LHPP: variants seen among roughly 807,000 people sequenced by gnomAD.
LHPP encodes the protein phospholysine phosphohistidine inorganic pyrophosphate phosphatase, also known as hLHPP.
In LHPP, 24 loss-of-function variants were observed where a neutral mutation model predicts 30.3. The observed-to-expected ratio is 0.79, with a 90% CI of 0.57 to 1.11. The LOEUF is 1.11. Among genes scored for constraint, LHPP ranks in the 50% most tolerant of loss-of-function variants. The probability of loss-of-function intolerance (pLI) is 0.00; values close to 1 mark genes in which losing one functional copy is unlikely to be tolerated. For missense variants in LHPP, 356 were observed against 367.2 expected (o/e 0.97, Z 0.25); for synonymous variants, 150 against 157.1 (o/e 0.95, Z 0.34).
At position 124,543,819 on chromosome 10, in the gene LHPP, G is replaced by A. The variant is rs182469084; in HGVS notation, c.716+26548G>A. On this transcript the variant is annotated intron_variant, in intron 6 of 6. Coordinates refer to ENST00000368842, the MANE Select transcript of LHPP (RefSeq NM_022126.4). ...AATATAAGAAATGCATGCCTTCTTT[G>A]GAAAATACAGAAAATCACAAAGAAA... is the stretch of plus-strand genomic sequence containing the variant. Among the ~76,000 whole-genome samples, 7 of 151,770 alleles carry A rather than the reference G, an allele frequency of 4.6e-5. No homozygotes were observed. The East Asian group carries it at 9.7e-4, about 21-fold the overall frequency.
At chr10:124,491,225 A>C (rs1403378726) in intron 3 of LHPP, among the ~76,000 whole-genome samples, 1 of 152,254 alleles carries the variant, frequency 6.6e-6, no homozygotes, top group African/African-American at 2.4e-5. Context: ...TGGAGTGTCT[A>C]CCTCAGCATC....
chr10:124,559,667 GATA>G (rs1220864357), intron 6 of LHPP, among the ~76,000 whole-genome samples: 2 of 152,286 alleles, frequency 1.3e-5, no homozygotes, highest in African/African-American at 4.8e-5. Context: ...TGTCACGTAG[GATA>G]ATGAGTGGAC....
chr10:124,496,976 G>T lies in LHPP; in HGVS notation c.483G>T (p.Glu161Asp), dbSNP rs777680049. ...TCTCTCCTAGGCGTTACTACAAGGA[G>T]ACCTCTGGCCTGATGCTGGACGTTG... ...ISLGKGRYYK[E>D]TSGLMLDVGP... Residue 161 changes from glutamate (E) to aspartate (D), a missense_variant, in exon 4 of 7, where the codon GAG becomes GAT. Physicochemically the swap from Glu to Asp is conservative, Grantham distance 45 (BLOSUM62 2). Coordinates refer to ENST00000368842, the MANE Select transcript of LHPP (RefSeq NM_022126.4). The surrounding 1 kb of genome is among the most constrained non-coding windows in gnomAD (Gnocchi z 4.3). The T allele has an allele frequency of 1.2e-6, 2 of 1,614,108 alleles. No homozygotes were observed. The highest frequency in any genetic ancestry group is 2.2e-5 in the South Asian group (2 of 91,066).
chr10:124,467,510 T>C (rs2133810717), intron 1 of LHPP, among the ~76,000 whole-genome samples: 2 of 149,924 alleles, frequency 1.3e-5, no homozygotes, highest in South Asian at 2.1e-4. Flanking sequence ...ACCACTTTCT[T>C]TTCTTTTTCT....
chr10:124,523,540 G>A lies in LHPP; in HGVS notation c.716+6269G>A, dbSNP rs896847895. Among the ~76,000 whole-genome samples the A allele has an allele frequency of 3.9e-5, 6 of 152,234 alleles. No homozygotes were observed. Among genetic ancestry groups the A allele is most frequent in the Admixed American group, 6.5e-5 (1 of 15,280 alleles). On this transcript the variant is annotated intron_variant, in intron 6 of 6. Coordinates refer to ENST00000368842, the MANE Select transcript of LHPP (RefSeq NM_022126.4). This position sits in a 1 kb window ranked among gnomAD's most constrained non-coding sequence, Gnocchi z 4.2. The stretch of plus-strand genomic sequence containing the variant: ...CCTGTTACGAGAAGGCTGTGGATTC[G>A]CTTTGGAACATGACAGATTTTTCTT...
chr10:124,559,721 G>A (rs796943823), intron 6 of LHPP, among the ~76,000 whole-genome samples: 4 of 152,396 alleles, frequency 2.6e-5, no homozygotes, highest in African/African-American at 9.6e-5. Context: ...CCAGTCTGGA[G>A]TAAGCCATGG....
In LHPP at chr10:124,585,390, A is replaced by G. The variant is rs539592800; in HGVS notation, c.717-27874A>G. On this transcript the variant is annotated intron_variant, in intron 6 of 6. Coordinates refer to ENST00000368842, the MANE Select transcript of LHPP (RefSeq NM_022126.4). ...AGCAGTTTGGGAGGCCGAGGCGGGC[A>G]GATTGCCTGAGTTCAGGAGTTTGAG... 2.6e-5 allele frequency among the ~76,000 whole-genome samples: 4 copies of G among 152,098 alleles called. No homozygotes were observed. In the South Asian group the frequency reaches 8.3e-4, roughly 32 times the overall value.
chr10:124,470,767 C>T (rs1283954955), intron 1 of LHPP, among the ~76,000 whole-genome samples: 4 of 152,106 alleles, frequency 2.6e-5, no homozygotes, highest in East Asian at 3.9e-4. Flanking sequence ...TGGCACCTGC[C>T]GGAGGGGTCT....
intron 5 of LHPP, among the ~76,000 whole-genome samples, chr10:124,513,361 T>G (rs1373571435): frequency 5.3e-5 from 8 of 151,948 alleles, no homozygotes. Flanking sequence ...CGCCCAGCTT[T>G]TAATCAGATT....
At position 124,506,097 on chromosome 10, in the gene LHPP, T is replaced by A. The variant is rs145251784; in HGVS notation, c.624+7969T>A. ...TGTCTCTACAAAAAAATACAAAAATTAACTGGGCATGGTGGCTGGCACATG... is the reference window on the plus strand; with the variant it reads ...TGTCTCTACAAAAAAATACAAAAATAAACTGGGCATGGTGGCTGGCACATG... On this transcript the variant is annotated intron_variant, in intron 5 of 6. Coordinates refer to ENST00000368842, the MANE Select transcript of LHPP (RefSeq NM_022126.4). Among the ~76,000 whole-genome samples, 709 of 151,902 alleles carry A rather than the reference T, an allele frequency of 4.7e-3. 8 individuals are homozygous for A. The highest frequency in any genetic ancestry group is 0.016 in the African/African-American group (657 of 41,416).
At chr10:124,608,473 G>C (rs546521926) in intron 6 of LHPP, among the ~76,000 whole-genome samples, 1 of 152,372 alleles carries the variant, frequency 6.6e-6, no homozygotes, top group South Asian at 2.1e-4. Context: ...CCTCATGGGA[G>C]CCCATGGTGC....
At position 124,475,962 on chromosome 10, in the gene LHPP, G is replaced by A. The variant is rs1212104817; in HGVS notation, c.126-8177G>A. ...ATTCCCATGTACTTCATTCTAAATT[G>A]CGTTTATTGATTCCTGGGACATCGA... is the stretch of plus-strand genomic sequence containing the variant. On this transcript the variant is annotated intron_variant, in intron 1 of 6. Coordinates refer to ENST00000368842, the MANE Select transcript of LHPP (RefSeq NM_022126.4). 3.9e-5 allele frequency among the ~76,000 whole-genome samples: 6 copies of A among 152,148 alleles called. 1 individual carries two copies. Among genetic ancestry groups the A allele is most frequent in the Admixed American group, 3.9e-4 (6 of 15,272 alleles).
chr10:124,507,040 G>C (rs1159945382), intron 5 of LHPP, among the ~76,000 whole-genome samples: 8 of 28,720 alleles, frequency 2.8e-4, no homozygotes, highest in Non-Finnish European at 4.2e-4. Context: ...CAGGTGAGGG[G>C]GGTAGGGAGG....
chr10:124,611,945 C>T (rs1949206686), intron 6 of LHPP, among the ~76,000 whole-genome samples: 1 of 152,184 alleles, frequency 6.6e-6, no homozygotes, highest in Admixed American at 6.5e-5. Flanking sequence ...AGCAACATGT[C>T]CCTCGGTAGT....
At chr10:124,465,867 A>G (rs1952539587) in intron 1 of LHPP, among the ~76,000 whole-genome samples, 1 of 152,202 alleles carries the variant, frequency 6.6e-6, no homozygotes, top group Non-Finnish European at 1.5e-5. Flanking sequence ...CCAGCCTGAG[A>G]AATGCAAATT....
At chr10:124,553,515 G>A (rs757615867) in intron 6 of LHPP, among the ~76,000 whole-genome samples, 3 of 129,982 alleles carry the variant, frequency 2.3e-5, no homozygotes, top group Non-Finnish European at 4.7e-5. Flanking sequence ...CTGGAGTGCC[G>A]TGGCACAATC....
At chr10:124,601,046 G>A (rs1201003481) in intron 6 of LHPP, among the ~76,000 whole-genome samples, 2 of 152,204 alleles carry the variant, frequency 1.3e-5, no homozygotes, top group African/African-American at 2.4e-5. Context: ...GAGGGAGGAA[G>A]GTTTCAGGGA....
intron 6 of LHPP, among the ~76,000 whole-genome samples, chr10:124,559,522 C>T (rs767712900): frequency 1.3e-5 from 2 of 152,272 alleles, no homozygotes; most frequent in Non-Finnish European, 2.9e-5. Flanking sequence ...GAAGTCACAT[C>T]ACAAGTTGTG....
At chr10:124,518,824 C>T (rs1237324393) in intron 6 of LHPP, among the ~76,000 whole-genome samples, 2 of 152,248 alleles carry the variant, frequency 1.3e-5, no homozygotes, top group South Asian at 2.1e-4. Flanking sequence ...GCCCACCCTA[C>T]GCCAGCAAGG....
Sources: gnomAD v4.1 joint callset for allele counts (sites outside exome capture counted in the v4.1 genomes callset) on GRCh38, gnomAD v4.1.1 for gene constraint, Gnocchi (gnomAD v3.1) non-coding constraint, MANE v1.5 for transcripts, NCBI Gene and HGNC (gene_info 2026-07-23, HGNC 2026-07-21) for gene names.